L3MBTL4: variants seen among roughly 807,000 people sequenced by gnomAD.
L3MBTL4 encodes lethal(3)malignant brain tumor-like protein 4.
L3MBTL4 carries 70 observed loss-of-function variants against 84.5 expected under a neutral mutation model. The observed-to-expected ratio is 0.83, with a 90% CI of 0.68 to 1.01. The LOEUF is 1.01. L3MBTL4 is among the 50% of genes least tolerant of loss of function. L3MBTL4 has a pLI of 0.00. For synonymous variants in L3MBTL4, 274 were observed against 259.8 expected, an observed-to-expected ratio of 1.05 and a Z score of -0.52; for missense variants, 715 against 754.8, an observed-to-expected ratio of 0.95 and a Z score of 0.62.
At chr18:6,014,265 C>T (rs1394664051) in intron 16 of L3MBTL4, among the ~76,000 whole-genome samples, 1 of 152,142 alleles carries the variant, frequency 6.6e-6, no homozygotes, top group African/African-American at 2.4e-5. Flanking sequence ...TAAAATTTCA[C>T]CTACCACTGA....
intron 12 of L3MBTL4, among the ~76,000 whole-genome samples, chr18:6,187,542 T>A (rs77588820): frequency 0.039 from 5,963 of 152,226 alleles, 173 homozygotes; most frequent in Non-Finnish European, 0.057. Context: ...TGTTGTAAAT[T>A]TAAAATTCTG....
intron 1 of L3MBTL4, among the ~76,000 whole-genome samples, chr18:6,332,533 C>A (rs1439339541): frequency 1.3e-5 from 2 of 152,148 alleles, no homozygotes; most frequent in African/African-American, 4.8e-5. Flanking sequence ...GATATGTAAC[C>A]TAACCAAAAC....
At chr18:6,151,365 C>A (rs1227996408) in intron 13 of L3MBTL4, among the ~76,000 whole-genome samples, 3 of 151,792 alleles carry the variant, frequency 2.0e-5, no homozygotes, top group Non-Finnish European at 2.9e-5. Flanking sequence ...ACACAATAAG[C>A]AACTGCTACA....
At chr18:6,225,809 C>T (rs1369935315) in intron 10 of L3MBTL4, among the ~76,000 whole-genome samples, 2 of 149,840 alleles carry the variant, frequency 1.3e-5, no homozygotes, top group Non-Finnish European at 3.0e-5. Flanking sequence ...CTATGCAAGT[C>T]AGAAGATAAG....
At chr18:6,009,129 A>G (rs2054620067) in intron 16 of L3MBTL4, among the ~76,000 whole-genome samples, 1 of 152,190 alleles carries the variant, frequency 6.6e-6, no homozygotes, top group Admixed American at 6.5e-5. Flanking sequence ...AAGAAAGGTG[A>G]GCATCTGGCA....
At chr18:6,120,994 C>T (rs1598817083) in intron 14 of L3MBTL4, among the ~76,000 whole-genome samples, 2 of 152,130 alleles carry the variant, frequency 1.3e-5, no homozygotes, top group South Asian at 2.1e-4. Context: ...AATAGGATTG[C>T]CATATTTCTT....
At chr18:5,958,901 C>T (rs2095247936) in intron 18 of L3MBTL4, among the ~76,000 whole-genome samples, 1 of 152,194 alleles carries the variant, frequency 6.6e-6, no homozygotes, top group Non-Finnish European at 1.5e-5. Context: ...CTCCCTCTTA[C>T]CCTACGTGGA....
At chr18:6,064,046 T>C (rs945247489) in intron 16 of L3MBTL4, among the ~76,000 whole-genome samples, 1 of 152,028 alleles carries the variant, frequency 6.6e-6, no homozygotes, top group African/African-American at 2.4e-5. Flanking sequence ...AGGTGAAAGA[T>C]GGGGATCCAG....
intron 1 of L3MBTL4, among the ~76,000 whole-genome samples, chr18:6,379,351 T>C (rs966701157): frequency 6.6e-6 from 1 of 152,220 alleles, no homozygotes; most frequent in Non-Finnish European, 1.5e-5. Context: ...CTTCCAATAC[T>C]ATGTTGAATA....
At chr18:6,354,534 AC>A (rs1418552177) in intron 1 of L3MBTL4, among the ~76,000 whole-genome samples, 1 of 152,234 alleles carries the variant, frequency 6.6e-6, no homozygotes, top group Non-Finnish European at 1.5e-5. Flanking sequence ...TTCCCAGCTG[AC>A]AAGGAACTAA....
At chr18:6,352,133 T>C (rs1368182797) in intron 1 of L3MBTL4, among the ~76,000 whole-genome samples, 2 of 152,204 alleles carry the variant, frequency 1.3e-5, no homozygotes, top group African/African-American at 4.8e-5. Flanking sequence ...TTCTCACTGC[T>C]AGTAATTACT....
intron 16 of L3MBTL4, among the ~76,000 whole-genome samples, chr18:5,983,254 C>T (rs1298365288): frequency 1.3e-5 from 2 of 152,158 alleles, no homozygotes; most frequent in African/African-American, 2.4e-5. Context: ...CATTTGGAAT[C>T]CGTAATTTTC....
At chr18:6,278,949 T>C (rs1194634628) in intron 4 of L3MBTL4, among the ~76,000 whole-genome samples, 1 of 152,034 alleles carries the variant, frequency 6.6e-6, no homozygotes. Flanking sequence ...AACATACTGG[T>C]TTCTGGCCTA....
chr18:6,006,684 C>A (rs907315403), intron 16 of L3MBTL4, among the ~76,000 whole-genome samples: 1 of 152,168 alleles, frequency 6.6e-6, no homozygotes, highest in Non-Finnish European at 1.5e-5. Context: ...TTCACTCCTA[C>A]AACTGATCTA....
At chr18:6,108,507 G>A (rs543362989) in intron 14 of L3MBTL4, among the ~76,000 whole-genome samples, 1 of 152,136 alleles carries the variant, frequency 6.6e-6, no homozygotes, top group South Asian at 2.1e-4. Context: ...GGTCCAATTT[G>A]CAATAATATA....
intron 16 of L3MBTL4, among the ~76,000 whole-genome samples, chr18:6,041,462 CTTTTTT>C (rs34117389): frequency 8.1e-6 from 1 of 124,134 alleles, no homozygotes; most frequent in African/African-American, 3.1e-5. Context: ...CTGAAATTGA[CTTTTTT>C]TTTTTTTTTT....
intron 14 of L3MBTL4, among the ~76,000 whole-genome samples, chr18:6,132,323 C>T (rs887788372): frequency 2.0e-5 from 3 of 152,176 alleles, no homozygotes; most frequent in African/African-American, 7.2e-5. Flanking sequence ...TAGATGCTAG[C>T]TGCAGGTACT....
In L3MBTL4 at chr18:6,334,632, C is replaced by T. The variant is rs546105330; in HGVS notation, c.-90-22576G>A. Among the ~76,000 whole-genome samples the T allele has an allele frequency of 3.9e-5, 6 of 152,114 alleles. No homozygotes were observed. The East Asian group carries it at 1.2e-3, about 29-fold the overall frequency. On this transcript the variant is annotated intron_variant, in intron 1 of 18. Coordinates refer to ENST00000317931, the MANE Select transcript of L3MBTL4 (RefSeq NM_001330559.2). ...GCATTGTTTTTTCTTACTAGTGGTC[C>T]TTAAAATAATGAAGCAGCTTACAGG...
chr18:5,962,231 G>A (rs2095267058), intron 17 of L3MBTL4, among the ~76,000 whole-genome samples: 1 of 152,132 alleles, frequency 6.6e-6, no homozygotes, highest in African/African-American at 2.4e-5. Context: ...AATCTTAGGT[G>A]GGACTTCAGG....
Sources: allele counts gnomAD v4.1 joint callset (sites outside exome capture counted in the v4.1 genomes callset), GRCh38; gene constraint gnomAD v4.1.1; transcripts MANE v1.5; gene names NCBI Gene and HGNC (gene_info 2026-07-23, HGNC 2026-07-21).